The following PHACTR3 variants were observed in gnomAD, a reference collection of about 807,000 sequenced individuals.
The protein encoded by PHACTR3 is protein phosphatase 1, regulatory subunit 123.
Under a neutral mutation model 66.8 loss-of-function variants are expected in PHACTR3, and 16 were observed. The observed-to-expected ratio is 0.24, with a 90% CI of 0.16 to 0.36. PHACTR3 has a LOEUF of 0.36. PHACTR3 is among the 10% of genes least tolerant of loss of function. The pLI is 1.00. For synonymous variants in PHACTR3, 323 were observed against 292.1 expected (o/e 1.11, Z -1.08); for missense variants, 647 against 719.9 (o/e 0.90, Z 1.16).
chr20:59,581,064 C>T (rs375009719), intron 1 of PHACTR3, among the ~76,000 whole-genome samples: 8 of 152,346 alleles, frequency 5.3e-5, no homozygotes, highest in South Asian at 2.1e-4. Context: ...CTGGCATCCC[C>T]GCCATAGCCA....
chr20:59,792,580 G>A (rs1341484528), intron 7 of PHACTR3, among the ~76,000 whole-genome samples: 1 of 152,236 alleles, frequency 6.6e-6, no homozygotes, highest in East Asian at 1.9e-4. Context: ...CACAGACTTA[G>A]CAGAGAGTTA....
intron 1 of PHACTR3, among the ~76,000 whole-genome samples, chr20:59,616,534 C>G (rs143516218): frequency 6.6e-6 from 1 of 152,206 alleles, no homozygotes. Context: ...CCGCTCAAGG[C>G]GTTGCCCCCT....
intron 1 of PHACTR3, among the ~76,000 whole-genome samples, chr20:59,675,979 G>A (rs545583082): frequency 6.6e-6 from 1 of 152,306 alleles, no homozygotes; most frequent in Admixed American, 6.5e-5. Flanking sequence ...TGCACCAAGG[G>A]TCCCTGGCTT....
intron 7 of PHACTR3, among the ~76,000 whole-genome samples, chr20:59,780,888 C>A (rs139532334): frequency 1.0e-3 from 159 of 152,318 alleles, no homozygotes; most frequent in Non-Finnish European, 1.9e-3. Flanking sequence ...GGGGTGCTCA[C>A]CGAAGTATAG....
chr20:59,791,072 A>T (rs1328445590), intron 7 of PHACTR3, among the ~76,000 whole-genome samples: 1 of 152,154 alleles, frequency 6.6e-6, no homozygotes, highest in Non-Finnish European at 1.5e-5. Flanking sequence ...CAGCTCCACC[A>T]TGGTATGAAT....
chr20:59,686,794 G>T (rs1207149657), intron 1 of PHACTR3, among the ~76,000 whole-genome samples: 1 of 143,138 alleles, frequency 7.0e-6, no homozygotes. Context: ...GATGATGATG[G>T]TGGTGATGAT....
At chr20:59,636,941 A>G (rs2034919479) in intron 1 of PHACTR3, among the ~76,000 whole-genome samples, 1 of 152,198 alleles carries the variant, frequency 6.6e-6, no homozygotes, top group South Asian at 2.1e-4. Context: ...TTGCTTGCCA[A>G]GGGCCCTATT....
chr20:59,643,076 T>A (rs1164152425), intron 1 of PHACTR3, among the ~76,000 whole-genome samples: 1 of 152,118 alleles, frequency 6.6e-6, no homozygotes, highest in African/African-American at 2.4e-5. Context: ...CATGCCCAGC[T>A]AATTTTTTGT....
intron 8 of PHACTR3, among the ~76,000 whole-genome samples, chr20:59,826,787 G>T (rs2042204264): frequency 6.6e-6 from 1 of 152,130 alleles, no homozygotes; most frequent in Non-Finnish European, 1.5e-5. Flanking sequence ...CATGTTCTTG[G>T]CCTTTCTTCC....
intron 7 of PHACTR3, among the ~76,000 whole-genome samples, chr20:59,781,913 A>T (rs1017487977): frequency 6.6e-6 from 1 of 152,172 alleles, no homozygotes; most frequent in Non-Finnish European, 1.5e-5. Context: ...GCTAGGCGGT[A>T]CAAGAGTAAA....
intron 1 of PHACTR3, among the ~76,000 whole-genome samples, chr20:59,732,411 G>T (rs2038798905): frequency 6.6e-6 from 1 of 152,192 alleles, no homozygotes; most frequent in African/African-American, 2.4e-5. Context: ...ACATGCAGAA[G>T]GTTTTGGTGG....
At chr20:59,796,763 C>T (rs2041262068) in intron 7 of PHACTR3, among the ~76,000 whole-genome samples, 1 of 152,032 alleles carries the variant, frequency 6.6e-6, no homozygotes. Flanking sequence ...TTTTTATTTC[C>T]TTCTGCTTTT....
chr20:59,587,798 T>C (rs957332168), intron 1 of PHACTR3, among the ~76,000 whole-genome samples: 2 of 152,160 alleles, frequency 1.3e-5, no homozygotes, highest in African/African-American at 4.8e-5. Context: ...TCATTTTGGT[T>C]CTCAGCTGTA....
intron 1 of PHACTR3, among the ~76,000 whole-genome samples, chr20:59,661,398 C>T (rs907629249): frequency 4.5e-4 from 69 of 152,038 alleles, no homozygotes; most frequent in African/African-American, 1.5e-3. Flanking sequence ...GGAGAGAGCA[C>T]GTCTCAGAGG....
chr20:59,723,607 C>T (rs1037336695), intron 1 of PHACTR3, among the ~76,000 whole-genome samples: 1 of 152,058 alleles, frequency 6.6e-6, no homozygotes, highest in African/African-American at 2.4e-5. Flanking sequence ...TTCAGTTCTA[C>T]GGGATCTACT....
chr20:59,815,318 T>G (rs1034957011), intron 8 of PHACTR3, among the ~76,000 whole-genome samples: 3 of 152,098 alleles, frequency 2.0e-5, no homozygotes, highest in African/African-American at 7.2e-5. Flanking sequence ...GAACTCATCA[T>G]ACCCAGGATC....
chr20:59,656,889 A>G (rs1213576668), intron 1 of PHACTR3, among the ~76,000 whole-genome samples: 1 of 151,962 alleles, frequency 6.6e-6, no homozygotes, highest in Non-Finnish European at 1.5e-5. Context: ...TTTCAGTTAG[A>G]TATAGAAACA....
intron 1 of PHACTR3, among the ~76,000 whole-genome samples, chr20:59,671,436 T>C (rs1242147647): frequency 6.6e-6 from 1 of 152,212 alleles, no homozygotes. Flanking sequence ...AGCCCTCCTC[T>C]GCTTTAGTTG....
At chr20:59,656,613 A>C (rs932385218) in intron 1 of PHACTR3, among the ~76,000 whole-genome samples, 2 of 151,738 alleles carry the variant, frequency 1.3e-5, no homozygotes, top group Admixed American at 6.6e-5. Flanking sequence ...CTTTTGTTGG[A>C]TTGTCTAATC....
Sources: allele counts gnomAD v4.1 joint callset (sites outside exome capture counted in the v4.1 genomes callset), GRCh38; gene constraint gnomAD v4.1.1; transcripts MANE v1.5; gene names NCBI Gene and HGNC (gene_info 2026-07-23, HGNC 2026-07-21).